CDKAL1: variants seen among roughly 807,000 people sequenced by gnomAD.
The protein encoded by CDKAL1 is CDKAL1 threonylcarbamoyladenosine tRNA methylthiotransferase.
Under a neutral mutation model 68.2 loss-of-function variants are expected in CDKAL1, and 32 were observed. The observed-to-expected ratio is 0.47, with a 90% CI of 0.35 to 0.63. The LOEUF (loss-of-function observed/expected upper bound fraction) is 0.63, where lower values mean the gene tolerates loss of function less well. CDKAL1 is among the 30% of genes least tolerant of loss of function. CDKAL1 has a pLI of 0.00. For synonymous variants in CDKAL1, 234 were observed against 244.3 expected (o/e 0.96, Z 0.39); for missense variants, 606 against 696.7 (o/e 0.87, Z 1.47).
At chr6:20,692,690 A>G (rs1419375839) in intron 5 of CDKAL1, among the ~76,000 whole-genome samples, 3 of 152,074 alleles carry the variant, frequency 2.0e-5, no homozygotes, top group Non-Finnish European at 4.4e-5. Context: ...GGAAAATATT[A>G]TCTTTTGAGG....
intron 10 of CDKAL1, among the ~76,000 whole-genome samples, chr6:20,990,041 G>A (rs1766708759): frequency 6.6e-6 from 1 of 151,968 alleles, no homozygotes; most frequent in South Asian, 2.1e-4. Flanking sequence ...TCAGAAATTC[G>A]AGACCAGCCT....
At chr6:20,636,035 A>G (rs1767890971) in intron 4 of CDKAL1, among the ~76,000 whole-genome samples, 1 of 152,162 alleles carries the variant, frequency 6.6e-6, no homozygotes, top group South Asian at 2.1e-4. Flanking sequence ...GTCTTCAGAG[A>G]TAAGGATGTT....
chr6:20,955,341 A>G lies in CDKAL1; in HGVS notation c.743-78A>G, dbSNP rs567401083. On this transcript the variant is annotated intron_variant, in intron 9 of 15. Coordinates refer to ENST00000274695, the MANE Select transcript of CDKAL1 (RefSeq NM_017774.3). Reference sequence around the variant, plus strand: ...GAATAATAGTGTTGAGAAATACTGCATTAAAAACAGTGAGCAGCTGTATGA... The same window carrying G: ...GAATAATAGTGTTGAGAAATACTGCGTTAAAAACAGTGAGCAGCTGTATGA... 6.3e-6 allele frequency: 9 copies of G among 1,418,944 alleles called. No individual in the cohort carries two copies. In the South Asian group the frequency reaches 8.6e-5, roughly 14 times the overall value. The allele number at this position is 1,418,944 out of a possible 1,614,324, so 87.9% of individuals were successfully genotyped here.
At position 21,040,812 on chromosome 6, in the gene CDKAL1, A is replaced by G. The variant is rs114405065; in HGVS notation, c.1056-24236A>G. 3.3e-3 allele frequency among the ~76,000 whole-genome samples: 498 copies of G among 152,290 alleles called. 5 individuals are homozygous for G. Among genetic ancestry groups the G allele is most frequent in the African/African-American group, 0.01 (425 of 41,556 alleles). ...AAATTAATTGCATTGAATAATGCATAGACATGCATTGTTCTTTCCCTAATT... is the reference window on the plus strand; with the variant it reads ...AAATTAATTGCATTGAATAATGCATGGACATGCATTGTTCTTTCCCTAATT... On this transcript the variant is annotated intron_variant, in intron 11 of 15. Transcript: ENST00000274695.
chr6:21,158,381 G>A (rs1776747258), intron 13 of CDKAL1, among the ~76,000 whole-genome samples: 1 of 152,162 alleles, frequency 6.6e-6, no homozygotes, highest in Non-Finnish European at 1.5e-5. Flanking sequence ...TCACTCCAGT[G>A]GCAGAATGTC....
intron 9 of CDKAL1, among the ~76,000 whole-genome samples, chr6:20,896,103 C>T (rs183034898): frequency 0.2 from 17,700 of 89,950 alleles, 2,410 homozygotes; most frequent in African/African-American, 0.38. Context: ...CTTTTCTTTT[C>T]TTTTTTTTTT....
intron 9 of CDKAL1, among the ~76,000 whole-genome samples, chr6:20,901,462 CAGG>C (rs565959277): frequency 6.6e-6 from 1 of 151,488 alleles, no homozygotes; most frequent in South Asian, 2.1e-4. Flanking sequence ...ATCACAAGGT[CAGG>C]AGATCAAGAC....
chr6:20,582,137 A>G (rs1406230224), intron 4 of CDKAL1, among the ~76,000 whole-genome samples: 1 of 152,218 alleles, frequency 6.6e-6, no homozygotes, highest in Non-Finnish European at 1.5e-5. Flanking sequence ...TATATGAAGT[A>G]AAATTTAATA....
intron 8 of CDKAL1, among the ~76,000 whole-genome samples, chr6:20,839,649 G>A (rs989324216): frequency 3.9e-5 from 6 of 151,976 alleles, no homozygotes; most frequent in East Asian, 1.9e-4. Context: ...TACAGCTCTC[G>A]TCTCCAAGCT....
intron 11 of CDKAL1, among the ~76,000 whole-genome samples, chr6:21,059,276 CAG>C (rs576413269): frequency 9.8e-5 from 15 of 152,350 alleles, no homozygotes; most frequent in African/African-American, 3.6e-4. Flanking sequence ...CAGGGGAAAA[CAG>C]AAGACTGATG....
intron 5 of CDKAL1, among the ~76,000 whole-genome samples, chr6:20,718,684 A>G (rs938513826): frequency 2.0e-5 from 3 of 152,252 alleles, no homozygotes; most frequent in African/African-American, 7.2e-5. Flanking sequence ...TTAAGATGAT[A>G]AAATGAACCT....
chr6:20,600,759 T>G (rs1392546458), intron 4 of CDKAL1, among the ~76,000 whole-genome samples: 1 of 134,388 alleles, frequency 7.4e-6, no homozygotes, highest in East Asian at 2.2e-4. Context: ...GAGAGAGAGA[T>G]ATATATGTAT....
chr6:20,824,418 A>C (rs1777413746), intron 8 of CDKAL1, among the ~76,000 whole-genome samples: 1 of 152,158 alleles, frequency 6.6e-6, no homozygotes, highest in Non-Finnish European at 1.5e-5. Flanking sequence ...AGGTGTCTGC[A>C]AGAACTAGAG....
chr6:21,036,610 T>C (rs1391368728), intron 11 of CDKAL1, among the ~76,000 whole-genome samples: 1 of 152,214 alleles, frequency 6.6e-6, no homozygotes, highest in Admixed American at 6.5e-5. Flanking sequence ...ATTAATTTAC[T>C]TAAGTCTTTT....
chr6:20,815,832 G>A (rs1260446461), intron 8 of CDKAL1, among the ~76,000 whole-genome samples: 1 of 152,070 alleles, frequency 6.6e-6, no homozygotes, highest in Non-Finnish European at 1.5e-5. Flanking sequence ...ACTGAGATCA[G>A]TTTTCTGTGC....
At chr6:20,686,506 T>G (rs1770632123) in intron 5 of CDKAL1, among the ~76,000 whole-genome samples, 1 of 152,224 alleles carries the variant, frequency 6.6e-6, no homozygotes, top group Admixed American at 6.5e-5. Context: ...GACCTTGTAG[T>G]TGCAAGAAAA....
chr6:21,109,469 A>G (rs1774016675), intron 13 of CDKAL1, among the ~76,000 whole-genome samples: 1 of 152,238 alleles, frequency 6.6e-6, no homozygotes, highest in Admixed American at 6.5e-5. Context: ...AATTTGAAAC[A>G]CTAGCTTCTA....
intron 8 of CDKAL1, among the ~76,000 whole-genome samples, chr6:20,802,723 T>G (rs1776420258): frequency 6.6e-6 from 1 of 152,148 alleles, no homozygotes; most frequent in African/African-American, 2.4e-5. Context: ...AGTAGAAAAT[T>G]TTGATGTTCG....
At chr6:20,820,898 G>C (rs1178146124) in intron 8 of CDKAL1, among the ~76,000 whole-genome samples, 2 of 152,060 alleles carry the variant, frequency 1.3e-5, no homozygotes, top group Admixed American at 6.6e-5. Flanking sequence ...ATGTCAGATA[G>C]TGAACAGTGT....
Sources: allele counts gnomAD v4.1 joint callset (sites outside exome capture counted in the v4.1 genomes callset), GRCh38; gene constraint gnomAD v4.1.1; transcripts MANE v1.5; gene names NCBI Gene and HGNC (gene_info 2026-07-23, HGNC 2026-07-21).